The following ASTN2 variants were observed in gnomAD, a reference collection of about 807,000 sequenced individuals.
The protein encoded by ASTN2 is astrotactin 2, also known as astrotactin-2.
In ASTN2, 54 loss-of-function variants were observed where a neutral mutation model predicts 139.8. That is an observed-to-expected ratio of 0.39 (90% CI 0.31 to 0.48). The LOEUF (loss-of-function observed/expected upper bound fraction) is 0.48, where lower values mean the gene tolerates loss of function less well. Among genes scored for constraint, ASTN2 ranks in the 20% least tolerant of loss-of-function variants. The probability of loss-of-function intolerance (pLI) is 0.95; values close to 1 mark genes in which losing one functional copy is unlikely to be tolerated. For synonymous variants in ASTN2, 756 were observed against 719.5 expected (o/e 1.05, Z -0.81); for missense variants, 1,565 against 1,725.1 (o/e 0.91, Z 1.64).
At chr9:116,593,775 T>C (rs1163165995) in intron 19 of ASTN2, among the ~76,000 whole-genome samples, 2 of 152,228 alleles carry the variant, frequency 1.3e-5, no homozygotes, top group Admixed American at 1.3e-4. Context: ...ACCTTTCATT[T>C]CCATCTTCAT....
intron 14 of ASTN2, among the ~76,000 whole-genome samples, chr9:116,729,317 C>T (rs1828716976): frequency 6.6e-6 from 1 of 152,216 alleles, no homozygotes. Context: ...TTGCAAGTCC[C>T]CTTTACCCTA....
chr9:116,712,368 C>A (rs1337642837), intron 16 of ASTN2, among the ~76,000 whole-genome samples: 1 of 152,166 alleles, frequency 6.6e-6, no homozygotes, highest in Non-Finnish European at 1.5e-5. Flanking sequence ...TGATTTTTCT[C>A]ATTAAATATC....
intron 3 of ASTN2, among the ~76,000 whole-genome samples, chr9:117,187,646 C>T (rs1050124976): frequency 2.0e-5 from 3 of 152,174 alleles, no homozygotes; most frequent in African/African-American, 4.8e-5. Flanking sequence ...TCTCCCTGGT[C>T]ATGTGATGCC....
intron 1 of ASTN2, among the ~76,000 whole-genome samples, chr9:117,316,418 G>T (rs1157862015): frequency 6.6e-6 from 1 of 152,124 alleles, no homozygotes; most frequent in Non-Finnish European, 1.5e-5. Flanking sequence ...ATAAAGAATT[G>T]TATGTTGGGT....
intron 5 of ASTN2, among the ~76,000 whole-genome samples, chr9:117,081,463 C>T (rs754581876): frequency 6.6e-5 from 10 of 152,196 alleles, no homozygotes; most frequent in Admixed American, 2.6e-4. Flanking sequence ...AAAATAGCCT[C>T]CAACATTCCC....
chr9:116,668,481 C>T (rs1859003837), intron 16 of ASTN2, among the ~76,000 whole-genome samples: 1 of 152,206 alleles, frequency 6.6e-6, no homozygotes, highest in Admixed American at 6.5e-5. Flanking sequence ...CATAAGCCAC[C>T]ATGCCCGGCC....
chr9:116,976,920 T>C, intron 7 of ASTN2, 135 bp from the exon 8 acceptor site: 1 of 693,118 alleles, frequency 1.4e-6, no homozygotes, highest in Non-Finnish European at 2.4e-6. Context: ...AGGGTAATCT[T>C]GTCCATCAAC....
At chr9:116,716,642 C>T (rs1015329117) in intron 16 of ASTN2, among the ~76,000 whole-genome samples, 1 of 152,170 alleles carries the variant, frequency 6.6e-6, no homozygotes, top group African/African-American at 2.4e-5. Context: ...TGGCCCAGAA[C>T]CTCAATGCAG....
intron 10 of ASTN2, among the ~76,000 whole-genome samples, chr9:116,941,360 T>C (rs1835223833): frequency 1.3e-5 from 2 of 151,936 alleles, no homozygotes; most frequent in Non-Finnish European, 2.9e-5. Flanking sequence ...TACAGAAGAG[T>C]TGCAAAGATA....
chr9:116,446,272 T>TAGAGAGAGAGAGAG (rs3040241), intron 20 of ASTN2, among the ~76,000 whole-genome samples: 2,045 of 118,866 alleles, frequency 0.017, 67 homozygotes, highest in East Asian at 0.048. Context: ...GAGAGAGAGA[T>TAGAGAGAGAGAGAG]AGAGAGAGAG....
chr9:117,159,321 C>T (rs1830497029), intron 3 of ASTN2, among the ~76,000 whole-genome samples: 2 of 151,898 alleles, frequency 1.3e-5, no homozygotes, highest in Admixed American at 1.3e-4. Flanking sequence ...ATTGGAAGCT[C>T]AAATGCCAGC....
chr9:116,544,540 T>C (rs941622452), intron 19 of ASTN2, among the ~76,000 whole-genome samples: 19 of 152,196 alleles, frequency 1.2e-4, no homozygotes, highest in African/African-American at 4.1e-4. Context: ...TTTGGGTTCT[T>C]CTATTTATGT....
At chr9:116,784,064 C>G (rs1467442990) in intron 13 of ASTN2, among the ~76,000 whole-genome samples, 2 of 152,002 alleles carry the variant, frequency 1.3e-5, no homozygotes, top group Non-Finnish European at 2.9e-5. Context: ...TAGTATGAGA[C>G]ACAGTATTTT....
At position 117,248,056 on chromosome 9, in the gene ASTN2, G is replaced by A. The variant is rs935773140; in HGVS notation, c.631-33314C>T. On this transcript the variant is annotated intron_variant, in intron 2 of 22. Coordinates refer to ENST00000313400, the MANE Select transcript of ASTN2 (RefSeq NM_001365068.1). ...CAGGTGTATTCACAGACACTATGGT[G>A]TGAAAGTCTATTTACCGAACACTGT... 2.0e-5 allele frequency among the ~76,000 whole-genome samples: 3 copies of A among 152,298 alleles called. No homozygotes were observed. In the South Asian group the frequency reaches 6.2e-4, roughly 32 times the overall value.
At chr9:116,538,269 G>C (rs1851730301) in intron 19 of ASTN2, among the ~76,000 whole-genome samples, 3 of 151,416 alleles carry the variant, frequency 2.0e-5, no homozygotes, top group East Asian at 1.9e-4. Context: ...AGAAAGAAAG[G>C]AAGAAAGGAG....
chr9:116,674,929 G>C (rs1859413854), intron 16 of ASTN2, among the ~76,000 whole-genome samples: 1 of 152,106 alleles, frequency 6.6e-6, no homozygotes, highest in African/African-American at 2.4e-5. Flanking sequence ...TAAAACTCCA[G>C]TCTTCCACAC....
At chr9:116,764,635 T>A (rs1829758688) in intron 13 of ASTN2, among the ~76,000 whole-genome samples, 1 of 152,226 alleles carries the variant, frequency 6.6e-6, no homozygotes, top group Admixed American at 6.5e-5. Flanking sequence ...ATAACTTCAT[T>A]ACTATTAATA....
chr9:117,117,841 C>T (rs900063583), intron 4 of ASTN2, among the ~76,000 whole-genome samples: 5 of 152,192 alleles, frequency 3.3e-5, no homozygotes, highest in Admixed American at 3.3e-4. Context: ...CACACTCCAT[C>T]TTTCTTCAGA....
intron 3 of ASTN2, among the ~76,000 whole-genome samples, chr9:117,158,477 T>G (rs1830477421): frequency 6.6e-6 from 1 of 152,058 alleles, no homozygotes; most frequent in South Asian, 2.1e-4. Flanking sequence ...CCCTTTGCAA[T>G]TACAGACGGA....
Sources: allele counts gnomAD v4.1 joint callset (sites outside exome capture counted in the v4.1 genomes callset), GRCh38; gene constraint gnomAD v4.1.1; transcripts MANE v1.5; gene names NCBI Gene and HGNC (gene_info 2026-07-23, HGNC 2026-07-21).